Variants in MYH11 observed in about 807,000 individuals in gnomAD.
The protein encoded by MYH11 is myosin heavy chain 11.
MYH11 carries 80 observed loss-of-function variants against 246.6 expected under a neutral mutation model. That is an observed-to-expected ratio of 0.32 (90% confidence interval 0.27 to 0.39). The LOEUF (loss-of-function observed/expected upper bound fraction) is 0.39. MYH11 is among the 10% of genes least tolerant of loss of function. MYH11 has a pLI of 1.00. For missense variants in MYH11, 2,158 were observed against 2,546.8 expected (o/e 0.85, Z 3.29); for synonymous variants, 1,071 against 1,015.5 (o/e 1.05, Z -1.04).
At chr16:15,784,636 T>C (rs915730398) in intron 5 of MYH11, 25 of 1,588,080 alleles carry the variant, frequency 1.6e-5, no homozygotes, top group Non-Finnish European at 2.1e-5. Context: ...AAGAGGATCA[T>C]GCAGATCTAA....
intron 3 of MYH11, among the ~76,000 whole-genome samples, chr16:15,806,279 CAAAAAAAAAAAAAAAAAAAAA>C (rs71134463): frequency 6.5e-5 from 4 of 61,126 alleles, no homozygotes; most frequent in African/African-American, 1.1e-4. Flanking sequence ...CACTCTGTCT[CAAAAAAAAAAAAAAAAAAAAA>C]AAAAAAAAAA....
At chr16:15,764,952 T>G (rs1255855368) in intron 9 of MYH11, among the ~76,000 whole-genome samples, 1 of 152,252 alleles carries the variant, frequency 6.6e-6, no homozygotes, top group Non-Finnish European at 1.5e-5. Context: ...CCCAGAATAC[T>G]TGGAACCTTT....
intron 40 of MYH11, among the ~76,000 whole-genome samples, chr16:15,706,007 C>CAAAAAAAAAAAAAAA (rs1555547379): frequency 4.5e-5 from 3 of 66,244 alleles, no homozygotes; most frequent in African/African-American, 2.4e-4. Context: ...AAAAAAAAAT[C>CAAAAAAAAAAAAAAA]AAGGCCCAGA....
rs76739321 is a variant in MYH11, at chr16:15,794,604, T to C, written c.530+4056A>G. On this transcript the variant is annotated intron_variant, in intron 4 of 40. Transcript: ENST00000300036. ...TAGCCAAGTAAACAAATAATCAAGA[T>C]AGTTCGTGGTGGAGATATCATTGCT... 3.1e-3 allele frequency among the ~76,000 whole-genome samples: 469 copies of C among 152,206 alleles called. 1 individual carries two copies. Among genetic ancestry groups the C allele is most frequent in the African/African-American group, 8.5e-3 (355 of 41,548 alleles).
At chr16:15,829,855 C>T (rs912514704) in intron 2 of MYH11, among the ~76,000 whole-genome samples, 5 of 152,138 alleles carry the variant, frequency 3.3e-5, no homozygotes, top group East Asian at 1.9e-4. Flanking sequence ...ACAGGGATGG[C>T]CGGGCGCAGT....
intron 3 of MYH11, among the ~76,000 whole-genome samples, chr16:15,819,477 C>T (rs185234635): frequency 3.3e-5 from 5 of 152,210 alleles, no homozygotes; most frequent in East Asian, 1.9e-4. Flanking sequence ...AGATCAGAGG[C>T]GGCATTAGAC....
At chr16:15,817,789 C>T (rs1426805182) in intron 3 of MYH11, among the ~76,000 whole-genome samples, 1 of 152,118 alleles carries the variant, frequency 6.6e-6, no homozygotes, top group Admixed American at 6.6e-5. Context: ...TCATCATACC[C>T]ATTCTCACCC....
chr16:15,709,342 A>G (rs1411023098), intron 40 of MYH11, among the ~76,000 whole-genome samples: 1 of 147,130 alleles, frequency 6.8e-6, no homozygotes, highest in East Asian at 2.0e-4. Context: ...GTTTTTTGAT[A>G]CTCTGTCACC....
At chr16:15,852,645 G>A (rs892257567) in intron 1 of MYH11, among the ~76,000 whole-genome samples, 2 of 152,088 alleles carry the variant, frequency 1.3e-5, no homozygotes, top group Admixed American at 6.5e-5. Flanking sequence ...GGTCTGCAAT[G>A]TCTTTAGCCA....
At chr16:15,802,387 G>GACTA (rs2042908746) in intron 3 of MYH11, among the ~76,000 whole-genome samples, 1 of 152,192 alleles carries the variant, frequency 6.6e-6, no homozygotes, top group Non-Finnish European at 1.5e-5. Flanking sequence ...AAGGTCACTA[G>GACTA]GGTGGGTTGA....
At chr16:15,731,162 G>A (rs1450667052) in intron 27 of MYH11, among the ~76,000 whole-genome samples, 2 of 152,192 alleles carry the variant, frequency 1.3e-5, no homozygotes, top group Non-Finnish European at 2.9e-5. Context: ...TGGATAGAAT[G>A]ATCCCAGTTT....
chr16:15,841,294 C>T (rs1263280251), intron 1 of MYH11, among the ~76,000 whole-genome samples: 2 of 152,174 alleles, frequency 1.3e-5, no homozygotes, highest in Non-Finnish European at 2.9e-5. Context: ...TGCACCATCA[C>T]ACCCAGCTAA....
At chr16:15,804,150 T>C (rs8064077) in intron 3 of MYH11, among the ~76,000 whole-genome samples, 102,155 of 152,092 alleles carry the variant, frequency 0.67, 36,244 homozygotes, top group African/African-American at 0.91. Flanking sequence ...CACCACTTCT[T>C]CTCTGGCCTA....
At chr16:15,846,758 G>A (rs375106409) in intron 1 of MYH11, among the ~76,000 whole-genome samples, 17 of 152,100 alleles carry the variant, frequency 1.1e-4, no homozygotes, top group Admixed American at 3.3e-4. Context: ...GGCTGAGACC[G>A]GCCTGGTCAA....
At chr16:15,731,712 C>T (rs973861469) in intron 27 of MYH11, among the ~76,000 whole-genome samples, 4 of 151,874 alleles carry the variant, frequency 2.6e-5, no homozygotes, top group Non-Finnish European at 5.9e-5. Flanking sequence ...AGGCTGGTCT[C>T]GAACTCCTGA....
chr16:15,718,546 G>T (rs2040295491), intron 36 of MYH11, 108 bp from the exon 37 acceptor site: 2 of 1,432,482 alleles, frequency 1.4e-6, no homozygotes, highest in Admixed American at 2.2e-5. Flanking sequence ...TCTAATGGGT[G>T]AAACTGAGGC....
intron 9 of MYH11, among the ~76,000 whole-genome samples, chr16:15,768,872 A>G (rs985144924): frequency 2.0e-5 from 3 of 152,172 alleles, no homozygotes; most frequent in Non-Finnish European, 2.9e-5. Context: ...GGGACTGGGC[A>G]TGGTGGCTCA....
At chr16:15,795,700 A>G (rs770218592) in intron 4 of MYH11, among the ~76,000 whole-genome samples, 2 of 152,244 alleles carry the variant, frequency 1.3e-5, no homozygotes, top group Non-Finnish European at 2.9e-5. Context: ...CACTTTCACT[A>G]CAATAGCAGC....
intron 1 of MYH11, among the ~76,000 whole-genome samples, chr16:15,854,086 A>G (rs1225549978): frequency 6.6e-6 from 1 of 152,212 alleles, no homozygotes; most frequent in African/African-American, 2.4e-5. Flanking sequence ...AACATTCCCA[A>G]TCCAGGTAAG....
Sources: gnomAD v4.1 joint callset for allele counts (sites outside exome capture counted in the v4.1 genomes callset) on GRCh38, gnomAD v4.1.1 for gene constraint, MANE v1.5 for transcripts, NCBI Gene and HGNC (gene_info 2026-07-23, HGNC 2026-07-21) for gene names.